ONECUT2: variants seen among roughly 807,000 people sequenced by gnomAD.
The protein encoded by ONECUT2 is one cut domain family member 2.
Under a neutral mutation model 27.9 loss-of-function variants are expected in ONECUT2, and 10 were observed. That is an observed-to-expected ratio of 0.36 (90% confidence interval 0.22 to 0.61). The LOEUF is 0.61. Among genes scored for constraint, ONECUT2 ranks in the 20% least tolerant of loss-of-function variants. The probability of loss-of-function intolerance (pLI) is 0.73; values close to 1 mark genes in which losing one functional copy is unlikely to be tolerated. For synonymous variants in ONECUT2, 334 were observed against 315.1 expected, an observed-to-expected ratio of 1.06 and a Z score of -0.64; for missense variants, 686 against 721.0, an observed-to-expected ratio of 0.95 and a Z score of 0.56.
At chr18:57,438,726 C>CT in intron 1 of ONECUT2, among the ~76,000 whole-genome samples, 1 of 152,332 alleles carries the variant, frequency 6.6e-6, no homozygotes, top group South Asian at 2.1e-4. Context: ...ACTCCGGATA[C>CT]TTTGAGTGGA....
intron 1 of ONECUT2, among the ~76,000 whole-genome samples, chr18:57,461,406 T>C (rs1337069363): frequency 1.3e-5 from 2 of 152,372 alleles, no homozygotes; most frequent in South Asian, 2.1e-4. Flanking sequence ...TTCTTGTACA[T>C]GTACATGCAT....
In ONECUT2 at chr18:57,480,877, T is replaced by C. The variant is rs1406617503; in HGVS notation, c.*4154T>C. 6.6e-6 allele frequency: 1 copy of C among 152,140 alleles called. No homozygotes were observed. The highest frequency in any genetic ancestry group is 1.9e-4 in the East Asian group (1 of 5,202). The allele number at this position is 152,140 out of a possible 1,614,324, so 9.4% of individuals were successfully genotyped here. A position where few individuals can be genotyped will look rare whatever the true frequency, so the allele number is the denominator to read the frequency against. On this transcript the variant is annotated 3_prime_UTR_variant, in exon 2 of 2. Coordinates refer to ENST00000491143, the MANE Select transcript of ONECUT2 (RefSeq NM_004852.3). ...TTCAGAGAAAATAACCATTTGGGTGTGGTTATAGTTTAGTATCCATTACCT... is the reference window on the plus strand; with the variant it reads ...TTCAGAGAAAATAACCATTTGGGTGCGGTTATAGTTTAGTATCCATTACCT...
At chr18:57,449,624 T>C (rs2050219139) in intron 1 of ONECUT2, among the ~76,000 whole-genome samples, 3 of 152,184 alleles carry the variant, frequency 2.0e-5, no homozygotes, top group Admixed American at 1.3e-4. Flanking sequence ...TAAGGACCCA[T>C]TTTGCCAATT....
intron 1 of ONECUT2, among the ~76,000 whole-genome samples, chr18:57,440,553 G>T (rs1017583243): frequency 6.6e-6 from 1 of 152,234 alleles, no homozygotes; most frequent in African/African-American, 2.4e-5. Flanking sequence ...GCTCCCAGCG[G>T]CCAGTCTGAA....
intron 1 of ONECUT2, among the ~76,000 whole-genome samples, chr18:57,472,375 T>C (rs2050358735): frequency 1.3e-5 from 2 of 152,170 alleles, no homozygotes; most frequent in Non-Finnish European, 2.9e-5. Context: ...ATCTGTCTCC[T>C]TTTTCTTAGG....
At chr18:57,473,738 T>C (rs747121215) in intron 1 of ONECUT2, among the ~76,000 whole-genome samples, 5 of 152,216 alleles carry the variant, frequency 3.3e-5, no homozygotes, top group African/African-American at 4.8e-5. Flanking sequence ...CTCCAGGTGA[T>C]TCCTATGCAC....
At chr18:57,439,365 A>G (rs2144289091) in intron 1 of ONECUT2, among the ~76,000 whole-genome samples, 1 of 152,342 alleles carries the variant, frequency 6.6e-6, no homozygotes, top group South Asian at 2.1e-4. Context: ...CAGCGAGTGG[A>G]AAAGGCCTGC....
At chr18:57,439,125 G>T (rs1178852384) in intron 1 of ONECUT2, among the ~76,000 whole-genome samples, 6 of 152,236 alleles carry the variant, frequency 3.9e-5, no homozygotes, top group Non-Finnish European at 4.4e-5. Flanking sequence ...GCCCATATAG[G>T]TCTGAAAGTG....
chr18:57,464,526 T>A (rs1408934671), intron 1 of ONECUT2, among the ~76,000 whole-genome samples: 2 of 152,240 alleles, frequency 1.3e-5, no homozygotes, highest in African/African-American at 2.4e-5. Flanking sequence ...GTTTGACGTA[T>A]CTGAAATTGT....
intron 1 of ONECUT2, among the ~76,000 whole-genome samples, chr18:57,476,204 C>T (rs1290301833): frequency 1.3e-5 from 2 of 152,202 alleles, no homozygotes; most frequent in Non-Finnish European, 2.9e-5. Flanking sequence ...TAGCTCAAAA[C>T]CAGACTGTGT....
At chr18:57,447,005 A>G (rs2050203518) in intron 1 of ONECUT2, among the ~76,000 whole-genome samples, 1 of 152,256 alleles carries the variant, frequency 6.6e-6, no homozygotes, top group Admixed American at 6.5e-5. Flanking sequence ...GAGAATTAGC[A>G]TCTACAGGGA....
intron 1 of ONECUT2, among the ~76,000 whole-genome samples, chr18:57,449,399 G>C (rs897333670): frequency 1.6e-4 from 24 of 152,098 alleles, no homozygotes; most frequent in African/African-American, 5.8e-4. Flanking sequence ...ATTGTAGATG[G>C]CATCTGAGTA....
chr18:57,445,854 G>T (rs1443599350), intron 1 of ONECUT2, among the ~76,000 whole-genome samples: 3 of 152,252 alleles, frequency 2.0e-5, no homozygotes, highest in Non-Finnish European at 2.9e-5. Flanking sequence ...CAATACCCTG[G>T]AGTCCCCCTC....
At position 57,436,209 on chromosome 18, in the gene ONECUT2, G is replaced by T; in HGVS notation, c.493G>T (p.Asp165Tyr). Residue 165 changes from aspartate to tyrosine, a missense_variant, in exon 1 of 2, where the codon GAC becomes TAC. This residue lies in a region of ONECUT2 where 511 missense variants were observed against 488.1 expected (regional missense o/e 1.05). Transcript: ENST00000491143. The surrounding 1 kb of genome is among the most constrained non-coding windows in gnomAD (Gnocchi z 5.9). Reference sequence around the variant, plus strand: ...GCTGCCACCCATCTCCACCGTGTCTGACAAGTTCCACCACCCTCACCCGCA... The same window carrying T: ...GCTGCCACCCATCTCCACCGTGTCTTACAAGTTCCACCACCCTCACCCGCA... ...QPLPPISTVS[D>Y]KFHHPHPHHH... 6.2e-7 allele frequency: 1 copy of T among 1,606,334 alleles called. No homozygotes were observed. Among genetic ancestry groups the T allele is most frequent in the Non-Finnish European group, 8.5e-7 (1 of 1,178,490 alleles).
intron 1 of ONECUT2, among the ~76,000 whole-genome samples, chr18:57,453,391 C>T (rs2050241689): frequency 6.6e-6 from 1 of 152,172 alleles, no homozygotes; most frequent in African/African-American, 2.4e-5. Flanking sequence ...TCATTGTGTT[C>T]TATATTACTC....
At chr18:57,463,301 A>G (rs911813086) in intron 1 of ONECUT2, among the ~76,000 whole-genome samples, 9 of 152,144 alleles carry the variant, frequency 5.9e-5, no homozygotes. Context: ...CTGGAGTTGT[A>G]TGTCCTTGCT....
rs115517506 is a variant in ONECUT2 at position 57,480,866 on chromosome 18, C to A, written c.*4143C>A. On this transcript the variant is annotated 3_prime_UTR_variant, in exon 2 of 2. Coordinates refer to ENST00000491143, the MANE Select transcript of ONECUT2 (RefSeq NM_004852.3). The stretch of plus-strand genomic sequence containing the variant: ...AAGTTAATAATTTCAGAGAAAATAA[C>A]CATTTGGGTGTGGTTATAGTTTAGT... The A allele has an allele frequency of 3.2e-3, 493 of 152,128 alleles. 3 individuals are homozygous for A. Among genetic ancestry groups the A allele is most frequent in the African/African-American group, 0.01 (430 of 41,492 alleles). 9.4% of individuals were successfully genotyped at this position (152,128 alleles called of 1,614,324 possible).
chr18:57,490,790 T>C lies in ONECUT2; in HGVS notation c.*14067T>C, dbSNP rs572363895. 1 of 152,634 alleles carries C rather than the reference T, an allele frequency of 6.6e-6. No homozygotes were observed. The highest frequency in any genetic ancestry group is 2.1e-4 in the South Asian group (1 of 4,824). The allele number at this position is 152,634 out of a possible 1,614,324, so 9.5% of individuals were successfully genotyped here. ...CCAAGAAAATCGTAGGGAAAAACTTTAAACTTTTCTTTTCAGTTGATCCCT... is the reference window on the plus strand; with the variant it reads ...CCAAGAAAATCGTAGGGAAAAACTTCAAACTTTTCTTTTCAGTTGATCCCT... On this transcript the variant is annotated 3_prime_UTR_variant, in exon 2 of 2. Transcript: ENST00000491143.
chr18:57,468,999 G>C (rs1391393967), intron 1 of ONECUT2, among the ~76,000 whole-genome samples: 3 of 152,142 alleles, frequency 2.0e-5, no homozygotes. Flanking sequence ...GGAAGTGAAG[G>C]GGGGTTATTT....
Sources: gnomAD v4.1 joint callset for allele counts (sites outside exome capture counted in the v4.1 genomes callset) on GRCh38, gnomAD v4.1.1 for gene constraint, gnomAD v4.1.1 regional missense constraint, Gnocchi (gnomAD v3.1) non-coding constraint, MANE v1.5 for transcripts, NCBI Gene and HGNC (gene_info 2026-07-23, HGNC 2026-07-21) for gene names.